Variants in LMNTD1 observed in about 807,000 individuals in gnomAD.
The protein encoded by LMNTD1 is lamin tail domain containing 1.
A neutral mutation model predicts 50.9 loss-of-function variants in LMNTD1; 35 were observed. The observed-to-expected ratio is 0.69, with a 90% CI of 0.53 to 0.91. The LOEUF (loss-of-function observed/expected upper bound fraction) is 0.91, where lower values mean the gene tolerates loss of function less well. Ranked by LOEUF, LMNTD1 falls within the 40% of genes least tolerant of loss-of-function variation. LMNTD1 has a pLI of 0.00. For synonymous variants in LMNTD1, 153 were observed against 161.9 expected, an observed-to-expected ratio of 0.94 and a Z score of 0.42; for missense variants, 470 against 475.5, an observed-to-expected ratio of 0.99 and a Z score of 0.11.
chr12:25,577,235 A>G (rs1168155369), intron 1 of LMNTD1, among the ~76,000 whole-genome samples: 3 of 152,162 alleles, frequency 2.0e-5, no homozygotes, highest in African/African-American at 7.2e-5. Flanking sequence ...GAAGAAAGTC[A>G]CTGGTAGCTT....
Position 25,490,407 on chromosome 12 carries a change from A to G in LMNTD1, c.*22+13331T>C, listed in dbSNP as rs190093880. Among the ~76,000 whole-genome samples the G allele has an allele frequency of 1.1e-4, 16 of 152,308 alleles. No individual in the cohort carries two copies. In the East Asian group the frequency reaches 1.5e-3, roughly 15 times the overall value. ...CACTTGGCAATTACAAATCTGAACA[A>G]GGTATATACTCTTTAGTTGCCAATG... On this transcript the variant is annotated intron_variant, in intron 9 of 9. Coordinates refer to ENST00000458174, the MANE Select transcript of LMNTD1 (RefSeq NM_001145728.2).
chr12:25,478,798 A>AT (rs1938351164), intron 9 of LMNTD1, among the ~76,000 whole-genome samples: 1 of 152,172 alleles, frequency 6.6e-6, no homozygotes, highest in African/African-American at 2.4e-5. Context: ...AGAAAAAAAA[A>AT]GCTGGTATTG....
chr12:25,533,251 C>T (rs1335206157), intron 4 of LMNTD1, among the ~76,000 whole-genome samples: 1 of 152,180 alleles, frequency 6.6e-6, no homozygotes, highest in African/African-American at 2.4e-5. Flanking sequence ...CTCTTCCCTG[C>T]CAGCCTTCCC....
chr12:25,578,296 G>A (rs1024778798), intron 1 of LMNTD1, among the ~76,000 whole-genome samples: 8 of 152,150 alleles, frequency 5.3e-5, no homozygotes, highest in South Asian at 2.1e-4. Context: ...GTATACGTGG[G>A]TGAAATACTG....
chr12:25,529,839 C>T (rs1023021749), intron 4 of LMNTD1, among the ~76,000 whole-genome samples: 2 of 152,058 alleles, frequency 1.3e-5, no homozygotes, highest in African/African-American at 4.8e-5. Flanking sequence ...CAAAGCCCTA[C>T]CTTATCTGTC....
chr12:25,486,716 G>C (rs1346758918), intron 9 of LMNTD1, among the ~76,000 whole-genome samples: 18 of 149,872 alleles, frequency 1.2e-4, no homozygotes, highest in Middle Eastern at 3.2e-3. Context: ...TAGCATGAAG[G>C]GTTGTTGAAT....
At chr12:25,559,842 T>G (rs1020992296) in intron 1 of LMNTD1, among the ~76,000 whole-genome samples, 1 of 152,284 alleles carries the variant, frequency 6.6e-6, no homozygotes, top group Non-Finnish European at 1.5e-5. Flanking sequence ...CATAAATGTC[T>G]TCTTTTGAGA....
chr12:25,585,906 C>T (rs1462524870), intron 1 of LMNTD1: 1 of 152,202 alleles, frequency 6.6e-6, no homozygotes, highest in African/African-American at 2.4e-5. Flanking sequence ...GTTCAACTTT[C>T]ATATTTTACA....
chr12:25,555,228 G>A (rs972526962), upstream of LMNTD1, among the ~76,000 whole-genome samples: 4 of 152,028 alleles, frequency 2.6e-5, no homozygotes, highest in African/African-American at 9.7e-5. Context: ...TTGTTCAGAC[G>A]TTTCCAAGAG....
At chr12:25,537,664 G>A (rs536771587) in intron 4 of LMNTD1, among the ~76,000 whole-genome samples, 35 of 152,116 alleles carry the variant, frequency 2.3e-4, no homozygotes, top group Middle Eastern at 3.4e-3. Context: ...AAATCAGAGC[G>A]CCTCTCCTCC....
At chr12:25,566,393 G>A (rs774709862) in intron 1 of LMNTD1, among the ~76,000 whole-genome samples, 11 of 152,066 alleles carry the variant, frequency 7.2e-5, no homozygotes, top group South Asian at 2.1e-4. Flanking sequence ...CCACGTTTTC[G>A]CAAGTGCCAA....
At chr12:25,581,798 C>T (rs1945302865) in intron 1 of LMNTD1, among the ~76,000 whole-genome samples, 1 of 152,162 alleles carries the variant, frequency 6.6e-6, no homozygotes, top group Admixed American at 6.5e-5. Flanking sequence ...TGCCCCTAGG[C>T]TACAAACCTG....
chr12:25,479,592 C>T (rs528032464), intron 9 of LMNTD1, among the ~76,000 whole-genome samples: 67 of 152,266 alleles, frequency 4.4e-4, no homozygotes, highest in South Asian at 4.4e-3. Context: ...AGCCCACTGC[C>T]GCACTTCTTT....
intron 1 of LMNTD1, among the ~76,000 whole-genome samples, chr12:25,633,333 G>GAT (rs1213235295): frequency 6.6e-6 from 1 of 151,970 alleles, no homozygotes; most frequent in African/African-American, 2.4e-5. Flanking sequence ...GGACTTAACA[G>GAT]ATATATATAG....
intron 8 of LMNTD1, among the ~76,000 whole-genome samples, chr12:25,504,784 T>C (rs1939627487): frequency 6.6e-6 from 1 of 152,200 alleles, no homozygotes; most frequent in Non-Finnish European, 1.5e-5. Flanking sequence ...TAGCCACAAA[T>C]AGGATTCTGA....
At chr12:25,594,649 T>TAAAAAAAAA (rs1754233631) in intron 1 of LMNTD1, among the ~76,000 whole-genome samples, 2 of 15,400 alleles carry the variant, frequency 1.3e-4, no homozygotes, top group East Asian at 2.7e-3. Context: ...AAAACAGAAA[T>TAAAAAAAAA]ACAAAAAAAA....
chr12:25,494,087 G>A (rs1251981650), intron 9 of LMNTD1, among the ~76,000 whole-genome samples: 1 of 152,174 alleles, frequency 6.6e-6, no homozygotes, highest in African/African-American at 2.4e-5. Context: ...ATAGTAGGAG[G>A]CATAAGACAT....
intron 4 of LMNTD1, among the ~76,000 whole-genome samples, chr12:25,536,993 C>T (rs1454378205): frequency 6.6e-6 from 1 of 152,240 alleles, no homozygotes; most frequent in African/African-American, 2.4e-5. Flanking sequence ...TCGGGTCACT[C>T]CCACCCGAAT....
At chr12:25,521,473 A>T (rs906965529) in intron 6 of LMNTD1, among the ~76,000 whole-genome samples, 10 of 152,196 alleles carry the variant, frequency 6.6e-5, no homozygotes, top group African/African-American at 2.4e-4. Flanking sequence ...CGGCTTAGCG[A>T]ACTACATGAT....
Sources: gnomAD v4.1 joint callset for allele counts (sites outside exome capture counted in the v4.1 genomes callset) on GRCh38, gnomAD v4.1.1 for gene constraint, MANE v1.5 for transcripts, NCBI Gene and HGNC (gene_info 2026-07-23, HGNC 2026-07-21) for gene names.